FHDC1: variants seen among roughly 807,000 people sequenced by gnomAD.
The protein encoded by FHDC1 is FH2 domain containing 1, also known as FH2 domain-containing protein 1.
In FHDC1, 25 loss-of-function variants were observed where a neutral mutation model predicts 52.6. That is an observed-to-expected ratio of 0.48 (90% CI 0.35 to 0.66). FHDC1 has a LOEUF of 0.66. Ranked by LOEUF, FHDC1 falls within the 30% of genes least tolerant of loss-of-function variation. FHDC1 has a pLI of 0.01. For synonymous variants in FHDC1, 616 were observed against 581.5 expected, an observed-to-expected ratio of 1.06 and a Z score of -0.85; for missense variants, 1,459 against 1,452.8, an observed-to-expected ratio of 1.00 and a Z score of -0.07.
At chr4:152,947,585 C>T (rs547049294) in intron 2 of FHDC1, among the ~76,000 whole-genome samples, 71 of 152,282 alleles carry the variant, frequency 4.7e-4, no homozygotes, top group Admixed American at 9.8e-4. Context: ...GTATCTTAGC[C>T]ATTTGGTATC....
intron 1 of FHDC1, among the ~76,000 whole-genome samples, chr4:152,937,541 G>T (rs1341510610): frequency 6.6e-6 from 1 of 151,902 alleles, no homozygotes; most frequent in Admixed American, 6.6e-5. Flanking sequence ...CGGGTGCGGC[G>T]GCCGACCCAG....
chr4:152,975,262 A>G lies in FHDC1; in HGVS notation c.1971A>G (p.Ser657=), dbSNP rs781023221. The change falls in exon 12 of 12, where the codon TCA becomes TCG. Residue 657 remains serine, a synonymous_variant. Coordinates refer to ENST00000511601, the MANE Select transcript of FHDC1 (RefSeq NM_001371116.1). ...ACAGTGAGCCGGTGAGCCTGGGCTC[A>G]GCACAGTCCCCTCCTCTCTCGCCAT... is the stretch of plus-strand genomic sequence containing the variant. ...KRYSEPVSLG[S]AQSPPLSPLA... The G allele has an allele frequency of 3.7e-5, 60 of 1,613,388 alleles. No individual in the cohort carries two copies. The highest frequency in any genetic ancestry group is 4.3e-5 in the Non-Finnish European group (51 of 1,180,050).
intron 1 of FHDC1, among the ~76,000 whole-genome samples, chr4:152,937,273 G>T (rs1739411607): frequency 6.6e-6 from 1 of 152,180 alleles, no homozygotes; most frequent in Non-Finnish European, 1.5e-5. Context: ...GAGGCTCCGG[G>T]TGGGTTGGGA....
At chr4:152,930,997 A>ACTCTCTCT in the FHDC1 span, among the ~76,000 whole-genome samples, 3 of 113,250 alleles carry the variant, frequency 2.6e-5, no homozygotes, top group African/African-American at 1.0e-4. Context: ...ACACACACAC[A>ACTCTCTCT]CTCTCTCTCT....
the FHDC1 span, among the ~76,000 whole-genome samples, chr4:152,926,303 C>CACACAT: frequency 5.2e-4 from 73 of 141,164 alleles, no homozygotes; most frequent in South Asian, 9.9e-3. Flanking sequence ...CACACACACA[C>CACACAT]AAACAATACA....
chr4:152,935,652 C>T (rs1218242143), upstream of FHDC1, among the ~76,000 whole-genome samples: 1 of 152,074 alleles, frequency 6.6e-6, no homozygotes, highest in Non-Finnish European at 1.5e-5. Flanking sequence ...AAAACGGTAA[C>T]AAATTTACAG....
chr4:152,943,681 TG>T, intron 2 of FHDC1, 126 bp downstream of exon 2: 1 of 1,164,084 alleles, frequency 8.6e-7, no homozygotes. Context: ...GAATCTGCCT[TG>T]GAAATGCTAG....
intron 2 of FHDC1, among the ~76,000 whole-genome samples, chr4:152,949,121 T>G (rs34902538): frequency 0.19 from 11,728 of 63,010 alleles, 545 homozygotes; most frequent in Non-Finnish European, 0.21. Flanking sequence ...ATAATAATAA[T>G]AATAAGAAGA....
At chr4:152,960,990 C>T in intron 6 of FHDC1, 146 bp downstream of exon 6, 2 of 526,330 alleles carry the variant, frequency 3.8e-6, no homozygotes, top group Non-Finnish European at 6.5e-6. Context: ...TAGGGATGCA[C>T]TTAAGGTTGA....
At chr4:152,928,017 GA>G in the FHDC1 span, 1 of 1,463,908 alleles carries the variant, frequency 6.8e-7, no homozygotes, top group Non-Finnish European at 9.6e-7. Context: ...AAGTCTCTCA[GA>G]AACACCTCCC....
chr4:152,913,742 G>A, the FHDC1 span, among the ~76,000 whole-genome samples: 61,381 of 151,928 alleles, frequency 0.4, 13,033 homozygotes, highest in Admixed American at 0.51. Context: ...GCAATGGCGC[G>A]ATCTTGGCTC....
chr4:152,930,890 A>T, the FHDC1 span, among the ~76,000 whole-genome samples: 2 of 151,940 alleles, frequency 1.3e-5, no homozygotes, highest in African/African-American at 4.8e-5. Flanking sequence ...AGTCACCAAC[A>T]TGTCCCTTTG....
At chr4:152,958,260 C>T (rs1740167877) in intron 4 of FHDC1, among the ~76,000 whole-genome samples, 1 of 152,168 alleles carries the variant, frequency 6.6e-6, no homozygotes, top group Admixed American at 6.5e-5. Context: ...TAATGAGTGT[C>T]TCTTGGCTCA....
chr4:152,942,920 C>A lies in FHDC1; in HGVS notation c.-130-8C>A. 1 of 863,796 alleles carries A rather than the reference C, an allele frequency of 1.2e-6. No individual in the cohort carries two copies. Among genetic ancestry groups the A allele is most frequent in the Non-Finnish European group, 1.8e-6 (1 of 567,856 alleles). The allele number at this position is 863,796 out of a possible 1,614,324, so 53.5% of individuals were successfully genotyped here. On this transcript the variant is annotated splice_region_variant and splice_polypyrimidine_tract_variant and intron_variant, in intron 1 of 11. Transcript: ENST00000511601. Reference sequence around the variant, plus strand: ...GTAACTGATTTGATATTTATTTTATCTTGCTAGGTTTGGAAGAGGACAGTT... The same window carrying A: ...GTAACTGATTTGATATTTATTTTATATTGCTAGGTTTGGAAGAGGACAGTT...
chr4:152,946,922 G>C (rs1739749845), intron 2 of FHDC1, among the ~76,000 whole-genome samples: 1 of 152,152 alleles, frequency 6.6e-6, no homozygotes, highest in South Asian at 2.1e-4. Context: ...TAGTGAGTTA[G>C]AACATTTAGT....
chr4:152,921,546 TTTCCTTCCTTCCTTCCTTCCTTCC>T, the FHDC1 span, among the ~76,000 whole-genome samples: 1 of 138,540 alleles, frequency 7.2e-6, no homozygotes, highest in Admixed American at 7.5e-5. Flanking sequence ...AAATATTTTC[TTTCCTTCCTTCCTTCCTTCCTTCC>T]TTCCTTCCTT....
chr4:152,971,073 C>T (rs1011014659), intron 10 of FHDC1, among the ~76,000 whole-genome samples: 1 of 152,146 alleles, frequency 6.6e-6, no homozygotes, highest in Non-Finnish European at 1.5e-5. Context: ...TCCCAGTAAA[C>T]AAGGAAGCAA....
Position 152,943,298 on chromosome 4 carries a change from C to T in FHDC1, c.241C>T (p.Pro81Ser), listed in dbSNP as rs778530182. ...CCCACCTCCCCCACCAGGCCTACCCCCAACTACTCACATGAACGGCTACAG... is the reference window on the plus strand; with the variant it reads ...CCCACCTCCCCCACCAGGCCTACCCTCAACTACTCACATGAACGGCTACAG... ...PIPPPPPGLP[P>S]TTHMNGYSHL... The change falls in exon 2 of 12, where the codon CCA becomes TCA. Residue 81 changes from proline to serine, a missense_variant. Coordinates refer to ENST00000511601, the MANE Select transcript of FHDC1 (RefSeq NM_001371116.1). 12 of 1,612,688 alleles carry T rather than the reference C, an allele frequency of 7.4e-6. No homozygotes were observed. Among genetic ancestry groups the T allele is most frequent in the Non-Finnish European group, 1.0e-5 (12 of 1,179,788 alleles).
chr4:152,920,067 C>G, the FHDC1 span, among the ~76,000 whole-genome samples: 20 of 150,362 alleles, frequency 1.3e-4, 1 homozygote, highest in Admixed American at 1.3e-3. Context: ...CCTATCTCAG[C>G]ACCCAAGTAG....
Sources: allele counts gnomAD v4.1 joint callset (sites outside exome capture counted in the v4.1 genomes callset), GRCh38; gene constraint gnomAD v4.1.1; transcripts MANE v1.5; gene names NCBI Gene and HGNC (gene_info 2026-07-23, HGNC 2026-07-21).